The following GREM2 variants were observed in gnomAD, a reference collection of about 807,000 sequenced individuals.
The protein encoded by GREM2 is gremlin 2, DAN family BMP antagonist, also known as gremlin-2.
GREM2 carries 11 observed loss-of-function variants against 14.2 expected under a neutral mutation model. That is an observed-to-expected ratio of 0.78 (90% CI 0.49 to 1.28). GREM2 has a LOEUF of 1.28. GREM2 is among the 50% of genes most tolerant of loss of function. The pLI is 0.00. For missense variants in GREM2, 210 were observed against 218.5 expected (o/e 0.96, Z 0.24); for synonymous variants, 98 against 97.6 (o/e 1.00, Z -0.02).
At chr1:240,556,825 G>C (rs376645094) in intron 1 of GREM2, among the ~76,000 whole-genome samples, 1 of 152,152 alleles carries the variant, frequency 6.6e-6, no homozygotes, top group Non-Finnish European at 1.5e-5. Flanking sequence ...GGAGAAAAAT[G>C]CTTTTTTTAA....
intron 1 of GREM2, among the ~76,000 whole-genome samples, chr1:240,564,990 CAG>C (rs1468996944): frequency 3.3e-5 from 5 of 152,264 alleles, no homozygotes; most frequent in East Asian, 3.9e-4. Context: ...TCCTTTTTGT[CAG>C]AGTTACATAT....
At position 240,489,632 on chromosome 1, in the gene GREM2, G is replaced by GCTTTCACTT. The variant is rs1677202990; in HGVS notation, c.*3328_*3336dup. 1 of 152,154 alleles carries GCTTTCACTT rather than the reference G, an allele frequency of 6.6e-6. No homozygotes were observed. The highest frequency in any genetic ancestry group is 2.4e-5 in the African/African-American group (1 of 41,426). 9.4% of individuals were successfully genotyped at this position (152,154 alleles called of 1,614,324 possible). On this transcript the variant is annotated 3_prime_UTR_variant, in exon 2 of 2. Transcript: ENST00000318160. ...ATTCCTTTACTTTCTTAATAAACTTGCTTTCACTTAAAAAATTTTCATTGC... is the reference window on the plus strand; with the variant it reads ...ATTCCTTTACTTTCTTAATAAACTTGCTTTCACTTCTTTCACTTAAAAAATTTTCATTGC...
intron 1 of GREM2, among the ~76,000 whole-genome samples, chr1:240,521,555 T>A (rs377306168): frequency 1.1e-3 from 165 of 151,752 alleles, no homozygotes; most frequent in Admixed American, 1.3e-3. Flanking sequence ...TGGGCGACAG[T>A]GTGAGACTCC....
intron 1 of GREM2, chr1:240,588,877 T>C (rs1679651286): frequency 6.6e-6 from 1 of 152,158 alleles, no homozygotes; most frequent in South Asian, 2.1e-4. Flanking sequence ...TTTGGGTGGC[T>C]AAGGCAGGAG....
intron 1 of GREM2, among the ~76,000 whole-genome samples, chr1:240,583,607 CT>C (rs869097805): frequency 0.018 from 1,528 of 84,548 alleles, 9 homozygotes; most frequent in Admixed American, 0.022. Flanking sequence ...TCATCTCTAT[CT>C]TTTTTTTTTT....
chr1:240,529,953 T>A (rs922712558), intron 1 of GREM2, among the ~76,000 whole-genome samples: 1 of 152,192 alleles, frequency 6.6e-6, no homozygotes. Flanking sequence ...ACACCGGTTA[T>A]CCTGAAATTC....
chr1:240,556,160 G>A (rs970779577), intron 1 of GREM2, among the ~76,000 whole-genome samples: 2 of 152,046 alleles, frequency 1.3e-5, no homozygotes, highest in Admixed American at 6.6e-5. Flanking sequence ...ATTCACTTAC[G>A]CCGGGCACAG....
At chr1:240,579,945 G>A (rs1190512416) in intron 1 of GREM2, among the ~76,000 whole-genome samples, 1 of 152,188 alleles carries the variant, frequency 6.6e-6, no homozygotes, top group East Asian at 1.9e-4. Context: ...GGCAGTGTGA[G>A]GGAGCAGATA....
chr1:240,508,560 G>A (rs138919436), intron 1 of GREM2, among the ~76,000 whole-genome samples: 66 of 152,280 alleles, frequency 4.3e-4, no homozygotes, highest in African/African-American at 1.4e-3. Flanking sequence ...AACTTTTGAA[G>A]TATTTGTAGA....
Position 240,543,534 on chromosome 1 carries a change from G to A in GREM2, c.-1-50058C>T, listed in dbSNP as rs1678648718. ...CTTGTGATTCAATTATTTCCACCTGGCCTTGCCCATGAAACATGGGGATTA... is the reference window on the plus strand; with the variant it reads ...CTTGTGATTCAATTATTTCCACCTGACCTTGCCCATGAAACATGGGGATTA... On this transcript the variant is annotated intron_variant, in intron 1 of 1. Coordinates refer to ENST00000318160, the MANE Select transcript of GREM2 (RefSeq NM_022469.4). This position sits in a 1 kb window ranked among gnomAD's most constrained non-coding sequence, Gnocchi z 6.4. 1.3e-5 allele frequency among the ~76,000 whole-genome samples: 2 copies of A among 152,154 alleles called. No individual in the cohort carries two copies.
intron 1 of GREM2, among the ~76,000 whole-genome samples, chr1:240,496,041 A>G (rs965351887): frequency 3.9e-5 from 6 of 152,088 alleles, no homozygotes; most frequent in Non-Finnish European, 7.4e-5. Context: ...AGTTCAAGCA[A>G]TTCTCCTGCC....
At chr1:240,545,880 A>G (rs1023346023) in intron 1 of GREM2, among the ~76,000 whole-genome samples, 2 of 152,230 alleles carry the variant, frequency 1.3e-5, no homozygotes, top group South Asian at 2.1e-4. Context: ...CCTGCTTTGC[A>G]TAAAATGAAA....
chr1:240,560,900 C>T (rs1213555329), intron 1 of GREM2, among the ~76,000 whole-genome samples: 1 of 152,160 alleles, frequency 6.6e-6, no homozygotes, highest in African/African-American at 2.4e-5. Context: ...TATTTCACAG[C>T]CGCTCTTTTT....
intron 1 of GREM2, among the ~76,000 whole-genome samples, chr1:240,545,079 T>A (rs563817080): frequency 3.6e-4 from 55 of 152,348 alleles, no homozygotes; most frequent in Non-Finnish European, 6.8e-4. Context: ...GTCTGATGGC[T>A]GGAGGCTCCC....
chr1:240,597,862 A>G (rs1343824462), intron 1 of GREM2, among the ~76,000 whole-genome samples: 1 of 152,146 alleles, frequency 6.6e-6, no homozygotes. Flanking sequence ...ACATTTTCTA[A>G]GCAACTACCC....
chr1:240,533,636 A>C (rs1173905097), intron 1 of GREM2, among the ~76,000 whole-genome samples: 1 of 152,208 alleles, frequency 6.6e-6, no homozygotes, highest in African/African-American at 2.4e-5. Flanking sequence ...CAGTACACAC[A>C]GCCTCCCACA....
In GREM2 at chr1:240,611,905, C is replaced by T. The variant is rs1470770298; in HGVS notation, c.-23G>A. On this transcript the variant is annotated 5_prime_UTR_variant, in exon 1 of 2. Transcript: ENST00000318160. ...GTACCTGCAATGACGTGATGGAAGCCTCCTCCTCGGGTCCCTTCTCTCTCT... is the reference window on the plus strand; with the variant it reads ...GTACCTGCAATGACGTGATGGAAGCTTCCTCCTCGGGTCCCTTCTCTCTCT... 1 of 152,844 alleles carries T rather than the reference C, an allele frequency of 6.5e-6. No homozygotes were observed. Among genetic ancestry groups the T allele is most frequent in the East Asian group, 1.9e-4 (1 of 5,186 alleles). 9.5% of individuals were successfully genotyped at this position (152,844 alleles called of 1,614,324 possible).
intron 1 of GREM2, among the ~76,000 whole-genome samples, chr1:240,554,416 A>T (rs531737068): frequency 5.9e-5 from 9 of 151,980 alleles, no homozygotes; most frequent in East Asian, 3.9e-4. Context: ...CGTCTCGAAA[A>T]AAAAAAAAAA....
chr1:240,583,838 G>A (rs946740115), intron 1 of GREM2, among the ~76,000 whole-genome samples: 1 of 151,954 alleles, frequency 6.6e-6, no homozygotes, highest in East Asian at 1.9e-4. Flanking sequence ...TCTTGACCTC[G>A]TGATCTGCCC....
Sources: gnomAD v4.1 joint callset for allele counts (sites outside exome capture counted in the v4.1 genomes callset) on GRCh38, gnomAD v4.1.1 for gene constraint, Gnocchi (gnomAD v3.1) non-coding constraint, MANE v1.5 for transcripts, NCBI Gene and HGNC (gene_info 2026-07-23, HGNC 2026-07-21) for gene names.